TENM2: variants seen among roughly 807,000 people sequenced by gnomAD.
TENM2 encodes teneurin-2.
A neutral mutation model predicts 245.2 loss-of-function variants in TENM2; 52 were observed. The observed-to-expected ratio is 0.21, with a 90% CI of 0.17 to 0.27. The LOEUF (loss-of-function observed/expected upper bound fraction) is 0.27. Ranked by LOEUF, TENM2 falls within the 10% of genes least tolerant of loss-of-function variation. TENM2 has a pLI of 1.00. For synonymous variants in TENM2, 1,363 were observed against 1,438.9 expected (o/e 0.95, Z 1.19); for missense variants, 3,046 against 3,666.8 (o/e 0.83, Z 4.37).
chr5:167,040,588 T>C, the TENM2 span, among the ~76,000 whole-genome samples: 1 of 152,224 alleles, frequency 6.6e-6, no homozygotes, highest in African/African-American at 2.4e-5. Context: ...TCGTCACTTA[T>C]GGACCTCATG....
At chr5:167,423,999 C>A (rs552237571) in intron 2 of TENM2, among the ~76,000 whole-genome samples, 1 of 152,246 alleles carries the variant, frequency 6.6e-6, no homozygotes, top group African/African-American at 2.4e-5. Flanking sequence ...TAGTACAAAT[C>A]CTTTGTGTGG....
chr5:167,127,419 C>G, the TENM2 span, among the ~76,000 whole-genome samples: 1 of 152,048 alleles, frequency 6.6e-6, no homozygotes, highest in Non-Finnish European at 1.5e-5. Flanking sequence ...TTTTCCTACC[C>G]TTCTAACTAT....
chr5:168,216,551 T>C (rs1472760185), intron 21 of TENM2, among the ~76,000 whole-genome samples: 2 of 152,142 alleles, frequency 1.3e-5, no homozygotes, highest in Admixed American at 6.5e-5. Context: ...GGTGGTGATA[T>C]AGCCAGCACC....
the TENM2 span, among the ~76,000 whole-genome samples, chr5:167,083,965 T>C: frequency 6.6e-6 from 1 of 152,142 alleles, no homozygotes; most frequent in Non-Finnish European, 1.5e-5. Flanking sequence ...AAAAGTTACC[T>C]GAGGGTGCTA....
chr5:167,063,931 G>A, the TENM2 span, among the ~76,000 whole-genome samples: 4 of 152,150 alleles, frequency 2.6e-5, no homozygotes, highest in Admixed American at 1.3e-4. Flanking sequence ...AATGCCAGCC[G>A]GGCGAGTTGC....
intron 2 of TENM2, among the ~76,000 whole-genome samples, chr5:167,426,817 A>G (rs1017930519): frequency 1.2e-4 from 18 of 151,698 alleles, no homozygotes; most frequent in African/African-American, 1.7e-4. Context: ...ATTCTAGAAG[A>G]AAAAAAAATC....
intron 8 of TENM2, among the ~76,000 whole-genome samples, chr5:168,091,446 AG>A (rs951594639): frequency 6.6e-6 from 1 of 152,208 alleles, no homozygotes; most frequent in African/African-American, 2.4e-5. Context: ...AAGCTCTAAA[AG>A]GGTCATTCAC....
chr5:168,063,839 A>G (rs928800360), intron 7 of TENM2, among the ~76,000 whole-genome samples: 5 of 152,252 alleles, frequency 3.3e-5, no homozygotes, highest in African/African-American at 1.2e-4. Context: ...TGATCAATAT[A>G]AGAACTAAAA....
At chr5:167,457,078 T>C (rs1765968582) in intron 2 of TENM2, among the ~76,000 whole-genome samples, 1 of 152,162 alleles carries the variant, frequency 6.6e-6, no homozygotes. Context: ...GATGGCTTCT[T>C]TCCTCCTTAG....
intron 2 of TENM2, among the ~76,000 whole-genome samples, chr5:167,781,640 T>A (rs1373225998): frequency 6.6e-6 from 1 of 152,234 alleles, no homozygotes; most frequent in African/African-American, 2.4e-5. Context: ...GTGGCCATTC[T>A]AAACTCAGGC....
chr5:167,523,147 G>A (rs946080737), intron 2 of TENM2, among the ~76,000 whole-genome samples: 3 of 152,070 alleles, frequency 2.0e-5, no homozygotes, highest in Admixed American at 2.0e-4. Flanking sequence ...GGTAATCCAG[G>A]GTAAGTTCTT....
chr5:167,670,306 G>A (rs1017520513), intron 2 of TENM2, among the ~76,000 whole-genome samples: 4 of 152,154 alleles, frequency 2.6e-5, no homozygotes, highest in Non-Finnish European at 5.9e-5. Context: ...AAGGTGTCCA[G>A]AGATAAGTAC....
chr5:168,053,133 A>G (rs780118698), intron 6 of TENM2, among the ~76,000 whole-genome samples: 3 of 152,124 alleles, frequency 2.0e-5, no homozygotes, highest in Non-Finnish European at 4.4e-5. Flanking sequence ...TGAGCCAAAC[A>G]CCCCTTTACT....
intron 2 of TENM2, among the ~76,000 whole-genome samples, chr5:167,475,969 G>A (rs747203521): frequency 2.0e-5 from 3 of 151,902 alleles, no homozygotes; most frequent in South Asian, 2.1e-4. Flanking sequence ...ATGTACATGC[G>A]TCTTTATAGT....
the TENM2 span, among the ~76,000 whole-genome samples, chr5:167,125,490 G>C: frequency 6.6e-6 from 1 of 152,192 alleles, no homozygotes; most frequent in Non-Finnish European, 1.5e-5. Flanking sequence ...CCCTGAATCT[G>C]TTTGATTCTA....
At chr5:167,875,708 T>C (rs1773361798) in intron 2 of TENM2, among the ~76,000 whole-genome samples, 1 of 151,986 alleles carries the variant, frequency 6.6e-6, no homozygotes, top group African/African-American at 2.4e-5. Flanking sequence ...GCAGAGGAGG[T>C]AAAAGAAACT....
intron 2 of TENM2, among the ~76,000 whole-genome samples, chr5:167,655,042 A>C (rs1754750391): frequency 6.6e-6 from 1 of 152,300 alleles, no homozygotes; most frequent in South Asian, 2.1e-4. Flanking sequence ...TCATTATATA[A>C]GCAATTGTGT....
chr5:168,090,672 C>T lies in TENM2; in HGVS notation c.1614C>T (p.Ala538=), dbSNP rs147074209. ...TACAGACCTTGGTTCAGAATGAAGC[C>T]GTGTTTGTGCAGTACCTGGATGTGG... is the stretch of plus-strand genomic sequence containing the variant. The change falls in exon 8 of 29, where the codon GCC becomes GCT. Residue 538 remains alanine (A), a synonymous_variant. Coordinates refer to ENST00000518659, the Ensembl canonical transcript of TENM2. 5.2e-3 allele frequency: 8,462 copies of T among 1,613,778 alleles called. 30 individuals carry two copies. The highest frequency in any genetic ancestry group is 6.5e-3 in the Non-Finnish European group (7,688 of 1,179,800).
the TENM2 span, among the ~76,000 whole-genome samples, chr5:167,079,302 A>G: frequency 6.7e-6 from 1 of 148,540 alleles, no homozygotes; most frequent in South Asian, 2.1e-4. Context: ...TTATATATAT[A>G]TAATATAATA....
Sources: gnomAD v4.1 joint callset for allele counts (sites outside exome capture counted in the v4.1 genomes callset) on GRCh38, gnomAD v4.1.1 for gene constraint, MANE v1.5 for transcripts, NCBI Gene and HGNC (gene_info 2026-07-23, HGNC 2026-07-21) for gene names.